Variants in SMC4 observed in about 807,000 individuals in gnomAD.
SMC4 encodes structural maintenance of chromosomes protein 4.
In SMC4, 87 loss-of-function variants were observed where a neutral mutation model predicts 145.6. The ratio of observed to expected loss-of-function variants is 0.60; its 90% CI spans 0.50 to 0.71. The LOEUF (loss-of-function observed/expected upper bound fraction) is 0.71. SMC4 is among the 30% of genes least tolerant of loss of function. The probability of loss-of-function intolerance (pLI) is 0.00; values close to 1 mark genes in which losing one functional copy is unlikely to be tolerated. For missense variants in SMC4, 1,447 were observed against 1,537.1 expected, an observed-to-expected ratio of 0.94 and a Z score of 0.98; for synonymous variants, 558 against 500.7, an observed-to-expected ratio of 1.11 and a Z score of -1.53.
At chr3:160,414,543 A>G in intron 9 of SMC4, 26 bp downstream of exon 9, 2 of 1,596,252 alleles carry the variant, frequency 1.3e-6, no homozygotes, top group Non-Finnish European at 1.7e-6. Flanking sequence ...AAATTCTTAA[A>G]ATTTCACGTC....
Position 160,431,626 on chromosome 3 carries a change from C to T in SMC4, c.3115-17C>T. 2 of 1,557,558 alleles carry T rather than the reference C, an allele frequency of 1.3e-6. No individual in the cohort carries two copies. Among genetic ancestry groups the T allele is most frequent in the Non-Finnish European group, 1.7e-6 (2 of 1,156,524 alleles). ...ATATTATGCCTTCTCTAACTCTCCC[C>T]TAAATTGAACTTTTAGATTTCAAAA... On this transcript the variant is annotated splice_polypyrimidine_tract_variant and intron_variant, in intron 20 of 23. Transcript: ENST00000357388.
At chr3:160,400,742 G>T (rs1714498718) in intron 1 of SMC4, 80 bp from the exon 2 acceptor site, 3 of 1,392,524 alleles carry the variant, frequency 2.2e-6, no homozygotes, top group South Asian at 3.1e-5. Context: ...GAAGCCGGTG[G>T]ACCGAGATTT....
chr3:160,429,081 C>A, intron 18 of SMC4, 139 bp downstream of exon 18: 1 of 681,950 alleles, frequency 1.5e-6, no homozygotes, highest in Non-Finnish European at 2.3e-6. Flanking sequence ...CCTAATGGGA[C>A]TTCCATGACG....
At chr3:160,405,124 G>A (rs1187791253) in intron 5 of SMC4, among the ~76,000 whole-genome samples, 1 of 151,976 alleles carries the variant, frequency 6.6e-6, no homozygotes, top group African/African-American at 2.4e-5. Context: ...ACGAAACTTT[G>A]ATATTACATT....
chr3:160,417,917 A>G lies in SMC4; in HGVS notation c.1632A>G (p.Ile544Met), dbSNP rs182333740. Reference protein sequence around the residue: ...LKERKAAIRDIEGKLPQTEQE... With the variant: ...LKERKAAIRDMEGKLPQTEQE... ...AAAGGAAAGCTGCAATCAGAGATAT[A>G]GAAGGAAAACTCCCTCAAACTGAAC... Residue 544 changes from isoleucine to methionine, a missense_variant, in exon 11 of 24, where the codon ATA (isoleucine) becomes ATG (methionine). By Grantham distance (10) the Ile-to-Met change is conservative. Coordinates refer to ENST00000357388, the MANE Select transcript of SMC4 (RefSeq NM_001002800.3). 2 of 1,612,790 alleles carry G rather than the reference A, an allele frequency of 1.2e-6. No individual in the cohort carries two copies. Among genetic ancestry groups the G allele is most frequent in the African/African-American group, 2.7e-5 (2 of 74,934 alleles).
Position 160,409,265 on chromosome 3 carries a change from C to CA in SMC4, c.688-2628dup, listed in dbSNP as rs10547167. ...TGGGCGACAGAGCGAAACTCCGTCTCAAAAAAAAAAAAAAAAAAAAAAAAA... is the reference window on the plus strand; with the variant it reads ...TGGGCGACAGAGCGAAACTCCGTCTCAAAAAAAAAAAAAAAAAAAAAAAAAA... On this transcript the variant is annotated intron_variant, in intron 5 of 23. Transcript: ENST00000357388. Among the ~76,000 whole-genome samples the CA allele has an allele frequency of 4.5e-3, 279 of 61,948 alleles. 13 individuals are homozygous for CA. Among genetic ancestry groups the CA allele is most frequent in the South Asian group, 0.01 (12 of 1,144 alleles). The allele number at this position is 61,948 out of a possible 152,430, so 40.6% of individuals were successfully genotyped here.
At position 160,400,819 on chromosome 3, in the gene SMC4, C is replaced by T. The variant is rs753330453; in HGVS notation, c.-5-3C>T. The T allele has an allele frequency of 7.2e-6, 11 of 1,524,348 alleles. No homozygotes were observed. In the African/African-American group the frequency reaches 1.6e-4, roughly 22 times the overall value. 94.4% of individuals were successfully genotyped at this position (1,524,348 alleles called of 1,614,324 possible). ...CTTGCTCCCGGCTGTCCCCCGGCCC[C>T]AGCGACCATGCCCCGTAAAGGCACC... On this transcript the variant is annotated splice_polypyrimidine_tract_variant and splice_region_variant and intron_variant, in intron 1 of 23. Coordinates refer to ENST00000357388, the MANE Select transcript of SMC4 (RefSeq NM_001002800.3).
At chr3:160,423,194 G>C (rs1330285369) in intron 13 of SMC4, among the ~76,000 whole-genome samples, 1 of 152,106 alleles carries the variant, frequency 6.6e-6, no homozygotes, top group Non-Finnish European at 1.5e-5. Flanking sequence ...TTTTGATACA[G>C]GTTGTATTGA....
intron 5 of SMC4, among the ~76,000 whole-genome samples, chr3:160,407,546 CTAAA>C (rs753928966): frequency 6.2e-4 from 94 of 151,372 alleles, no homozygotes; most frequent in South Asian, 8.4e-4. Context: ...GACCTTGTCT[CTAAA>C]TAAATAAATA....
intron 9 of SMC4, among the ~76,000 whole-genome samples, chr3:160,414,738 TG>T (rs1055888646): frequency 1.3e-4 from 20 of 152,134 alleles, no homozygotes; most frequent in African/African-American, 3.6e-4. Flanking sequence ...TTTGCAGAGA[TG>T]GGGTCTCAGT....
intron 2 of SMC4, 68 bp downstream of exon 2, chr3:160,401,033 G>C: frequency 7.4e-7 from 1 of 1,355,906 alleles, no homozygotes; most frequent in Non-Finnish European, 9.4e-7. Flanking sequence ...CGCCCAGCCC[G>C]AGGCTGGCTG....
In SMC4 at chr3:160,416,344, G is replaced by C; in HGVS notation, c.1366G>C (p.Glu456Gln). ...NNALEKEKEK[E>Q]EKKLKEVMDS... is the part of the protein sequence containing the mutation. ...TGCCCTCGAGAAGGAAAAAGAGAAA[G>C]AAGAAAAAAAATTAAAGGAAGTTAT... is the stretch of plus-strand genomic sequence containing the variant. The change falls in exon 10 of 24, where the codon GAA becomes CAA. Residue 456 changes from glutamate (E) to glutamine (Q), a missense_variant. Coordinates refer to ENST00000357388, the MANE Select transcript of SMC4 (RefSeq NM_001002800.3). 1 of 1,594,256 alleles carries C rather than the reference G, an allele frequency of 6.3e-7. No homozygotes were observed. Among genetic ancestry groups the C allele is most frequent in the Non-Finnish European group, 8.5e-7 (1 of 1,171,186 alleles).
At chr3:160,421,971 A>T (rs557417193) in intron 13 of SMC4, among the ~76,000 whole-genome samples, 1 of 152,194 alleles carries the variant, frequency 6.6e-6, no homozygotes, top group East Asian at 1.9e-4. Context: ...CATACAATAT[A>T]TGGCCTTTTT....
chr3:160,416,453 C>CTT, intron 10 of SMC4, 38 bp downstream of exon 10: 41 of 1,005,718 alleles, frequency 4.1e-5, no homozygotes, highest in South Asian at 1.1e-4. Context: ...ATTTTGGTGG[C>CTT]TTTTTTTTTT....
chr3:160,402,305 T>A (rs1714784848), intron 3 of SMC4, among the ~76,000 whole-genome samples: 1 of 152,192 alleles, frequency 6.6e-6, no homozygotes, highest in Non-Finnish European at 1.5e-5. Context: ...CTGGTTATCT[T>A]TGGTACCTCT....
Position 160,424,135 on chromosome 3 carries a change from T to G in SMC4, c.2325+295T>G, listed in dbSNP as rs184871676. On this transcript the variant is annotated intron_variant, in intron 15 of 23. Coordinates refer to ENST00000357388, the MANE Select transcript of SMC4 (RefSeq NM_001002800.3). ...CTGTTTTACATTTAATTTATTGGGG[T>G]TTTTTTTGTATTATTGCTGTATTAC... 7.9e-5 allele frequency among the ~76,000 whole-genome samples: 12 copies of G among 151,152 alleles called. No individual in the cohort carries two copies. In the East Asian group the frequency reaches 1.5e-3, roughly 19 times the overall value.
rs1160781778 is a variant in SMC4, at chr3:160,401,936, A to T, written c.161A>T (p.Asp54Val). 1.9e-6 allele frequency: 3 copies of T among 1,602,404 alleles called. No individual in the cohort carries two copies. The highest frequency in any genetic ancestry group is 1.7e-5 in the Admixed American group (1 of 57,998). ...TAAETASEEL[D>V]NRSLEEILNS... ...TTAGAGACTGCAAGTGAGGAACTTGATAATAGAAGTTTAGAAGAGATTTTG... is the reference window on the plus strand; with the variant it reads ...TTAGAGACTGCAAGTGAGGAACTTGTTAATAGAAGTTTAGAAGAGATTTTG... Residue 54 changes from aspartate to valine, a missense_variant, in exon 3 of 24, where the codon GAT becomes GTT. Coordinates refer to ENST00000357388, the MANE Select transcript of SMC4 (RefSeq NM_001002800.3).
intron 10 of SMC4, among the ~76,000 whole-genome samples, chr3:160,417,125 C>T (rs1391063680): frequency 4.6e-5 from 7 of 152,030 alleles, no homozygotes; most frequent in African/African-American, 1.4e-4. Flanking sequence ...TGTTAAATAC[C>T]TATGTTAATG....
At chr3:160,427,834 C>G (rs1351246585) in intron 17 of SMC4, among the ~76,000 whole-genome samples, 5 of 152,176 alleles carry the variant, frequency 3.3e-5, no homozygotes, top group African/African-American at 1.2e-4. Flanking sequence ...CACCTGTAAT[C>G]CCAGCACTTG....
Sources: gnomAD v4.1 joint callset for allele counts (sites outside exome capture counted in the v4.1 genomes callset) on GRCh38, gnomAD v4.1.1 for gene constraint, MANE v1.5 for transcripts, NCBI Gene and HGNC (gene_info 2026-07-23, HGNC 2026-07-21) for gene names.